The following EML4 variants were observed in gnomAD, a reference collection of about 807,000 sequenced individuals.
The protein encoded by EML4 is echinoderm microtubule-associated protein-like 4.
Under a neutral mutation model 129.0 loss-of-function variants are expected in EML4, and 72 were observed. The observed-to-expected ratio is 0.56, with a 90% CI of 0.46 to 0.68. The LOEUF is 0.68. Among genes scored for constraint, EML4 ranks in the 30% least tolerant of loss-of-function variants. The pLI, the probability that EML4 is intolerant of heterozygous loss-of-function variation, is 0.00. For synonymous variants in EML4, 532 were observed against 405.0 expected, an observed-to-expected ratio of 1.31 and a Z score of -3.77; for missense variants, 1,363 against 1,190.6, an observed-to-expected ratio of 1.14 and a Z score of -2.13.
At chr2:42,226,321 G>A (rs1673952780) in intron 1 of EML4, among the ~76,000 whole-genome samples, 1 of 152,096 alleles carries the variant, frequency 6.6e-6, no homozygotes, top group South Asian at 2.1e-4. Context: ...GGAGGAATAA[G>A]TTGAAGAGAT....
chr2:42,256,615 C>G lies in EML4; in HGVS notation c.323C>G (p.Ser108Ter). The G allele has an allele frequency of 6.2e-7, 1 of 1,613,662 alleles. No homozygotes were observed. The highest frequency in any genetic ancestry group is 1.1e-5 in the South Asian group (1 of 91,044). ...TCAATTGCAGGAAAAGAAACTCTTT[C>G]ATCTGCTGCTAAAAGGTACCCATTT... The part of the protein sequence containing the change: ...AVSIAGKETL[S>*]SAAKSGTEKK... Residue 108 changes from serine (S) to a stop codon, truncating the protein, a stop_gained, in exon 3 of 23, where the codon TCA becomes TGA. Transcript: ENST00000318522. LOFTEE classifies it high-confidence loss of function.
At chr2:42,242,260 G>C (rs1281695624) in intron 1 of EML4, among the ~76,000 whole-genome samples, 1 of 152,020 alleles carries the variant, frequency 6.6e-6, no homozygotes, top group Non-Finnish European at 1.5e-5. Flanking sequence ...ATAATATAAA[G>C]ATATAGCTCA....
At chr2:42,242,607 G>A (rs972690446) in intron 1 of EML4, among the ~76,000 whole-genome samples, 8 of 152,000 alleles carry the variant, frequency 5.3e-5, no homozygotes, top group African/African-American at 1.9e-4. Flanking sequence ...TACTACTCCT[G>A]TGGTAGTATT....
At chr2:42,238,036 G>C (rs1162279614) in intron 1 of EML4, among the ~76,000 whole-genome samples, 1 of 152,186 alleles carries the variant, frequency 6.6e-6, no homozygotes, top group Non-Finnish European at 1.5e-5. Flanking sequence ...TGATAGTTCA[G>C]TATACACTTT....
intron 13 of EML4, among the ~76,000 whole-genome samples, chr2:42,297,611 G>A (rs934785077): frequency 7.2e-5 from 11 of 152,232 alleles, no homozygotes; most frequent in South Asian, 2.1e-4. Context: ...TTTGGTGAGC[G>A]CAGTGAAATA....
chr2:42,199,388 A>C (rs1205631696), intron 1 of EML4, among the ~76,000 whole-genome samples: 2 of 152,160 alleles, frequency 1.3e-5, no homozygotes, highest in African/African-American at 4.8e-5. Context: ...ACTTATATGT[A>C]ATTTGGAGAG....
chr2:42,267,620 C>G (rs1156549158), intron 6 of EML4, among the ~76,000 whole-genome samples: 1 of 152,112 alleles, frequency 6.6e-6, no homozygotes, highest in East Asian at 1.9e-4. Context: ...AGCTAGAAAG[C>G]TGCATATTCC....
chr2:42,328,205 A>G (rs1044874873), intron 21 of EML4, among the ~76,000 whole-genome samples: 1 of 152,218 alleles, frequency 6.6e-6, no homozygotes, highest in Non-Finnish European at 1.5e-5. Context: ...GTAGCATTCA[A>G]CCACAAGTGG....
chr2:42,284,794 A>T, intron 9 of EML4, 91 bp downstream of exon 9: 1 of 947,250 alleles, frequency 1.1e-6, no homozygotes, highest in Non-Finnish European at 1.5e-6. Context: ...CATTTGTTTT[A>T]TTCTTTTAAA....
chr2:42,233,455 G>T (rs1011601372), intron 1 of EML4, among the ~76,000 whole-genome samples: 1 of 151,592 alleles, frequency 6.6e-6, no homozygotes, highest in African/African-American at 2.4e-5. Context: ...ATAGGCACCC[G>T]CCACCATGCC....
chr2:42,278,281 A>G (rs62142592), intron 6 of EML4, among the ~76,000 whole-genome samples: 2,277 of 152,230 alleles, frequency 0.015, 23 homozygotes, highest in Non-Finnish European at 0.024. Flanking sequence ...AAGGACTAAG[A>G]AACAATTGCG....
chr2:42,212,066 G>C (rs1672917438), intron 1 of EML4, among the ~76,000 whole-genome samples: 1 of 152,040 alleles, frequency 6.6e-6, no homozygotes, highest in South Asian at 2.1e-4. Flanking sequence ...GGCTGGTCTT[G>C]AGCTCCTGAC....
At chr2:42,296,095 G>T (rs1462230358) in intron 13 of EML4, among the ~76,000 whole-genome samples, 1 of 152,124 alleles carries the variant, frequency 6.6e-6, no homozygotes, top group Non-Finnish European at 1.5e-5. Context: ...GAAAAAATTA[G>T]AGGAAGGACA....
chr2:42,175,271 A>C (rs1050384437), intron 1 of EML4, among the ~76,000 whole-genome samples: 1 of 151,048 alleles, frequency 6.6e-6, no homozygotes, highest in Non-Finnish European at 1.5e-5. Context: ...TCACCACCAC[A>C]CCTGGCTAAT....
At chr2:42,177,537 T>G (rs1670677151) in intron 1 of EML4, among the ~76,000 whole-genome samples, 1 of 152,054 alleles carries the variant, frequency 6.6e-6, no homozygotes. Flanking sequence ...GTGGGAGGAT[T>G]GCTGGAGCCT....
chr2:42,197,810 A>G (rs1671982217), intron 1 of EML4, among the ~76,000 whole-genome samples: 1 of 152,196 alleles, frequency 6.6e-6, no homozygotes, highest in Non-Finnish European at 1.5e-5. Context: ...ACAGTTTTGG[A>G]AATAACTCCA....
intron 19 of EML4, among the ~76,000 whole-genome samples, chr2:42,318,120 A>T (rs1669336901): frequency 1.3e-5 from 2 of 152,224 alleles, no homozygotes; most frequent in South Asian, 4.1e-4. Context: ...GGCACCAGGA[A>T]TATGTACAAC....
chr2:42,197,938 T>C (rs186436094), intron 1 of EML4, among the ~76,000 whole-genome samples: 2 of 152,342 alleles, frequency 1.3e-5, no homozygotes, highest in Admixed American at 6.5e-5. Context: ...GAATCTGGGC[T>C]CCAGAGTCAC....
At chr2:42,209,788 G>T (rs13386385) in intron 1 of EML4, among the ~76,000 whole-genome samples, 19,128 of 151,982 alleles carry the variant, frequency 0.13, 1,217 homozygotes, top group East Asian at 0.18. Flanking sequence ...AATTAGCTGG[G>T]CATAGCGACG....
Sources: allele counts gnomAD v4.1 joint callset (sites outside exome capture counted in the v4.1 genomes callset), GRCh38; gene constraint gnomAD v4.1.1; transcripts MANE v1.5; gene names NCBI Gene and HGNC (gene_info 2026-07-23, HGNC 2026-07-21).